Variants in PRR16 observed in about 807,000 individuals in gnomAD.
The protein encoded by PRR16 is proline rich 16.
PRR16 carries 6 observed loss-of-function variants against 18.2 expected under a neutral mutation model. That is an observed-to-expected ratio of 0.33 (90% CI 0.18 to 0.65). The LOEUF is 0.65. Ranked by LOEUF, PRR16 falls within the 30% of genes least tolerant of loss-of-function variation. The probability of loss-of-function intolerance (pLI) is 0.74; values close to 1 mark genes in which losing one functional copy is unlikely to be tolerated. For synonymous variants in PRR16, 151 were observed against 147.8 expected, an observed-to-expected ratio of 1.02 and a Z score of -0.16; for missense variants, 412 against 376.6, an observed-to-expected ratio of 1.09 and a Z score of -0.78.
chr5:120,566,116 G>A (rs1752729138), intron 1 of PRR16, among the ~76,000 whole-genome samples: 1 of 152,158 alleles, frequency 6.6e-6, no homozygotes, highest in South Asian at 2.1e-4. Context: ...CCTTTCTCAT[G>A]AATAGATTAA....
intron 1 of PRR16, among the ~76,000 whole-genome samples, chr5:120,673,647 G>A (rs528598577): frequency 3.3e-5 from 5 of 152,136 alleles, no homozygotes; most frequent in Non-Finnish European, 7.4e-5. Flanking sequence ...CTTAAAACAT[G>A]AACGTACTAG....
chr5:120,665,100 A>T (rs983977093), intron 1 of PRR16, among the ~76,000 whole-genome samples: 2 of 129,304 alleles, frequency 1.5e-5, no homozygotes, highest in African/African-American at 5.5e-5. Context: ...CTATTTCTCC[A>T]CATCCTCTCC....
intron 1 of PRR16, among the ~76,000 whole-genome samples, chr5:120,678,860 ATTGCAGTT>A (rs1204663102): frequency 8.5e-5 from 13 of 152,214 alleles, no homozygotes; most frequent in Admixed American, 8.5e-4. Flanking sequence ...ACCTTTATTC[ATTGCAGTT>A]TAAGATTTAT....
chr5:120,478,222 G>T (rs1378677111), intron 1 of PRR16, among the ~76,000 whole-genome samples: 1 of 152,054 alleles, frequency 6.6e-6, no homozygotes, highest in Non-Finnish European at 1.5e-5. Context: ...TTACCTTTTA[G>T]TTTCTACTGC....
At chr5:120,637,920 G>A (rs1485590357) in intron 1 of PRR16, among the ~76,000 whole-genome samples, 1 of 152,104 alleles carries the variant, frequency 6.6e-6, no homozygotes. Context: ...GTAACCTTTT[G>A]TAAAATACAA....
chr5:120,627,277 T>C (rs965909425), intron 1 of PRR16, among the ~76,000 whole-genome samples: 1 of 152,166 alleles, frequency 6.6e-6, no homozygotes, highest in Admixed American at 6.6e-5. Context: ...TTATACAATC[T>C]GTACATGATC....
At chr5:120,672,381 A>G (rs1048872716) in intron 1 of PRR16, among the ~76,000 whole-genome samples, 1 of 151,802 alleles carries the variant, frequency 6.6e-6, no homozygotes, top group African/African-American at 2.4e-5. Context: ...GAGAAGTGAA[A>G]AGAGTGTGGA....
the PRR16 span, among the ~76,000 whole-genome samples, chr5:120,744,323 G>T: frequency 6.6e-6 from 1 of 152,170 alleles, no homozygotes; most frequent in African/African-American, 2.4e-5. Context: ...CTAGAAAAGG[G>T]ACCCTTTACG....
intron 1 of PRR16, among the ~76,000 whole-genome samples, chr5:120,563,337 A>G (rs1159554216): frequency 6.6e-6 from 1 of 152,182 alleles, no homozygotes. Flanking sequence ...AGATGGCCAG[A>G]TCCCCCAGGT....
the PRR16 span, among the ~76,000 whole-genome samples, chr5:120,725,731 A>G: frequency 1.3e-5 from 2 of 152,090 alleles, no homozygotes; most frequent in Non-Finnish European, 2.9e-5. Flanking sequence ...TCCCTACTGT[A>G]ATGTGATAGC....
intron 1 of PRR16, among the ~76,000 whole-genome samples, chr5:120,582,792 G>C (rs1434341820): frequency 6.7e-6 from 1 of 149,830 alleles, no homozygotes; most frequent in East Asian, 1.9e-4. Flanking sequence ...GGAGGTCTCA[G>C]ACCACCTGAA....
At chr5:120,609,890 C>A (rs1754280221) in intron 1 of PRR16, among the ~76,000 whole-genome samples, 1 of 152,156 alleles carries the variant, frequency 6.6e-6, no homozygotes, top group African/African-American at 2.4e-5. Flanking sequence ...TTTTGCACCG[C>A]ACTTAGCTTT....
chr5:120,649,537 G>T (rs965268771), intron 1 of PRR16, among the ~76,000 whole-genome samples: 1 of 152,046 alleles, frequency 6.6e-6, no homozygotes, highest in Non-Finnish European at 1.5e-5. Context: ...ATGATAACTG[G>T]GTTTAAGCAT....
chr5:120,766,913 G>A, the PRR16 span, among the ~76,000 whole-genome samples: 1 of 151,826 alleles, frequency 6.6e-6, no homozygotes, highest in East Asian at 1.9e-4. Flanking sequence ...CAAAGTACCT[G>A]TTTTATCTCC....
At chr5:120,476,824 A>T (rs188595646) in intron 1 of PRR16, among the ~76,000 whole-genome samples, 1 of 151,866 alleles carries the variant, frequency 6.6e-6, no homozygotes, top group African/African-American at 2.4e-5. Flanking sequence ...AATAAAAAAT[A>T]AAAAAAAACT....
intron 1 of PRR16, among the ~76,000 whole-genome samples, chr5:120,582,521 C>T (rs1391742317): frequency 6.6e-6 from 1 of 151,366 alleles, no homozygotes; most frequent in Non-Finnish European, 1.5e-5. Context: ...ATTTTAAGAA[C>T]CAAAGCAAAA....
intron 1 of PRR16, among the ~76,000 whole-genome samples, chr5:120,597,422 A>G (rs1753850392): frequency 6.6e-6 from 1 of 151,550 alleles, no homozygotes; most frequent in African/African-American, 2.4e-5. Context: ...TTGTGTATTA[A>G]TGTTTCTCTA....
chr5:120,580,330 C>T (rs1753226982), intron 1 of PRR16, among the ~76,000 whole-genome samples: 1 of 152,062 alleles, frequency 6.6e-6, no homozygotes, highest in Non-Finnish European at 1.5e-5. Context: ...GGAATGCTTC[C>T]ACCTTTTGCC....
intron 1 of PRR16, among the ~76,000 whole-genome samples, chr5:120,595,453 T>C (rs1753769610): frequency 6.6e-6 from 1 of 151,314 alleles, no homozygotes; most frequent in Admixed American, 6.6e-5. Context: ...AATAAAAAGA[T>C]GTTGGTGTGG....
Sources: gnomAD v4.1 joint callset for allele counts (sites outside exome capture counted in the v4.1 genomes callset) on GRCh38, gnomAD v4.1.1 for gene constraint, MANE v1.5 for transcripts, NCBI Gene and HGNC (gene_info 2026-07-23, HGNC 2026-07-21) for gene names.